RERE: variants seen among roughly 807,000 people sequenced by gnomAD.
RERE encodes the protein arginine-glutamic acid dipeptide repeats.
RERE carries 40 observed loss-of-function variants against 146.1 expected under a neutral mutation model. The ratio of observed to expected loss-of-function variants is 0.27; its 90% CI spans 0.21 to 0.36. The LOEUF is 0.36. Ranked by LOEUF, RERE falls within the 10% of genes least tolerant of loss-of-function variation. The pLI, the probability that RERE is intolerant of heterozygous loss-of-function variation, is 1.00. For synonymous variants in RERE, 1,003 were observed against 866.0 expected, an observed-to-expected ratio of 1.16 and a Z score of -2.78; for missense variants, 1,933 against 2,138.7, an observed-to-expected ratio of 0.90 and a Z score of 1.90.
chr1:8,778,002 T>C (rs552197762), intron 1 of RERE, among the ~76,000 whole-genome samples: 2 of 152,234 alleles, frequency 1.3e-5, no homozygotes, highest in East Asian at 3.9e-4. Context: ...TTTCCTCATC[T>C]GGAAATTAGT....
At chr1:8,724,351 C>A (rs990835283) in intron 1 of RERE, among the ~76,000 whole-genome samples, 1 of 152,208 alleles carries the variant, frequency 6.6e-6, no homozygotes, top group Non-Finnish European at 1.5e-5. Flanking sequence ...TTTCAAGATA[C>A]AGAGAGACTC....
chr1:8,380,191 A>G (rs1192707636), intron 12 of RERE, among the ~76,000 whole-genome samples: 1 of 151,820 alleles, frequency 6.6e-6, no homozygotes, highest in Non-Finnish European at 1.5e-5. Flanking sequence ...TCGGGAAGTA[A>G]TTTTTTCCTT....
intron 4 of RERE, among the ~76,000 whole-genome samples, chr1:8,611,127 G>A (rs192212926): frequency 3.9e-5 from 6 of 152,138 alleles, no homozygotes; most frequent in East Asian, 3.9e-4. Context: ...CCCGGGAGGC[G>A]GAGGTTGCAG....
intron 11 of RERE, among the ~76,000 whole-genome samples, chr1:8,430,777 C>T (rs376269224): frequency 6.6e-6 from 1 of 152,150 alleles, no homozygotes; most frequent in South Asian, 2.1e-4. Flanking sequence ...GTACACTCTC[C>T]AAGGTAAGTG....
intron 9 of RERE, among the ~76,000 whole-genome samples, chr1:8,495,440 G>C (rs1026181392): frequency 6.6e-6 from 1 of 151,940 alleles, no homozygotes; most frequent in Non-Finnish European, 1.5e-5. Flanking sequence ...TCGGCCTCCC[G>C]AGTAGCTGAG....
intron 7 of RERE, among the ~76,000 whole-genome samples, chr1:8,515,419 G>A (rs918351671): frequency 3.3e-5 from 5 of 150,944 alleles, no homozygotes; most frequent in Admixed American, 2.6e-4. Flanking sequence ...GTCACCTGAC[G>A]TCAGGAGTTC....
At position 8,534,885 on chromosome 1, in the gene RERE, G is replaced by T. The variant is rs544225872; in HGVS notation, c.830+6329C>A. ...TATACTGACAGGATACAGAAGAAAAGAACACAAAATTTCTGTGATACACGA... is the reference window on the plus strand; with the variant it reads ...TATACTGACAGGATACAGAAGAAAATAACACAAAATTTCTGTGATACACGA... On this transcript the variant is annotated intron_variant, in intron 7 of 22. Transcript: ENST00000400908. Among the ~76,000 whole-genome samples, 9 of 152,260 alleles carry T rather than the reference G, an allele frequency of 5.9e-5. No homozygotes were observed. In the East Asian group the frequency reaches 1.5e-3, roughly 26 times the overall value.
At chr1:8,614,213 G>C (rs962635875) in intron 4 of RERE, among the ~76,000 whole-genome samples, 1 of 152,126 alleles carries the variant, frequency 6.6e-6, no homozygotes, top group Non-Finnish European at 1.5e-5. Context: ...CTGGGGAAAC[G>C]CACATTCCAC....
Position 8,364,049 on chromosome 1 carries a change from G to C in RERE, c.1740+7C>G, listed in dbSNP as rs367627065. The stretch of plus-strand genomic sequence containing the variant: ...TGCCAGGAGCCCCATGGCCCCAGGG[G>C]ACTCACCGAGCCCCGACTCCGCCGT... On this transcript the variant is annotated splice_region_variant and intron_variant, in intron 15 of 22. Coordinates refer to ENST00000400908, the MANE Select transcript of RERE (RefSeq NM_001042681.2). This position sits in a 1 kb window ranked among gnomAD's most constrained non-coding sequence, Gnocchi z 5.1. 1.9e-6 allele frequency: 3 copies of C among 1,613,396 alleles called. No homozygotes were observed. The African/African-American group carries it at 4.0e-5, about 22-fold the overall frequency.
At chr1:8,602,469 G>A (rs1044817818) in intron 4 of RERE, among the ~76,000 whole-genome samples, 1 of 147,720 alleles carries the variant, frequency 6.8e-6, no homozygotes, top group Non-Finnish European at 1.5e-5. Context: ...GCATGTATAT[G>A]TTTTATAAGT....
intron 4 of RERE, among the ~76,000 whole-genome samples, chr1:8,570,208 G>A (rs1443734707): frequency 4.6e-5 from 7 of 151,886 alleles, no homozygotes; most frequent in Admixed American, 1.3e-4. Context: ...ATGGTGGCTC[G>A]TGCCTGTAGT....
At chr1:8,768,541 G>A (rs1054198563) in intron 1 of RERE, among the ~76,000 whole-genome samples, 5 of 152,194 alleles carry the variant, frequency 3.3e-5, no homozygotes, top group Non-Finnish European at 7.3e-5. Context: ...CACTTGAAAT[G>A]CAGCTAGTGT....
At chr1:8,647,057 T>G (rs6692693) in intron 2 of RERE, among the ~76,000 whole-genome samples, 96,664 of 152,116 alleles carry the variant, frequency 0.64, 31,188 homozygotes, top group East Asian at 0.83. Context: ...TAGCACACCA[T>G]CCTGGGCGAC....
At chr1:8,750,443 G>A (rs913138065) in intron 1 of RERE, 9 of 858,352 alleles carry the variant, frequency 1.0e-5, no homozygotes, top group East Asian at 2.4e-5. Context: ...GGAGGGTGTT[G>A]AAGAGAAGAA....
At chr1:8,487,531 T>C (rs536045295) in intron 10 of RERE, among the ~76,000 whole-genome samples, 167 of 152,218 alleles carry the variant, frequency 1.1e-3, no homozygotes, top group African/African-American at 3.9e-3. Context: ...TGATTCAAGA[T>C]TGCTACACTG....
intron 2 of RERE, among the ~76,000 whole-genome samples, chr1:8,651,285 C>T (rs775553416): frequency 3.9e-5 from 6 of 152,004 alleles, no homozygotes; most frequent in Non-Finnish European, 8.8e-5. Context: ...GTAAGCACAC[C>T]TGTAGTCCTA....
chr1:8,360,183 A>C lies in RERE; in HGVS notation c.3324T>G (p.Pro1108=). 6.3e-7 allele frequency: 1 copy of C among 1,596,502 alleles called. No individual in the cohort carries two copies. Among genetic ancestry groups the C allele is most frequent in the South Asian group, 1.1e-5 (1 of 88,738 alleles). ...LDDAEEPESP[P]PPPRSPSPEP... is the part of the protein sequence containing the mutation. ...CCGGGGACGGGCTCCTTGGTGGGGG[A>C]GGGGGGCTCTCAGGCTCCTCAGCGT... The change falls in exon 18 of 23, where the codon CCT becomes CCG. Residue 1108 remains proline (P), a synonymous_variant. Transcript: ENST00000400908.
intron 11 of RERE, among the ~76,000 whole-genome samples, chr1:8,445,684 C>CTT (rs879168605): frequency 1.4e-5 from 2 of 146,122 alleles, no homozygotes; most frequent in East Asian, 4.0e-4. Flanking sequence ...GGAACCCCAC[C>CTT]TTTTTTTTTT....
intron 3 of RERE, 101 bp from the exon 4 acceptor site, chr1:8,614,787 T>C: frequency 7.5e-7 from 1 of 1,326,940 alleles, no homozygotes; most frequent in Non-Finnish European, 1.0e-6. Context: ...AAAAACTCTT[T>C]AGCAGATGAC....
Sources: allele counts gnomAD v4.1 joint callset (sites outside exome capture counted in the v4.1 genomes callset), GRCh38; gene constraint gnomAD v4.1.1; non-coding constraint Gnocchi (gnomAD v3.1); transcripts MANE v1.5; gene names NCBI Gene and HGNC (gene_info 2026-07-23, HGNC 2026-07-21).